The following SYCP2L variants were observed in gnomAD, a reference collection of about 807,000 sequenced individuals.
SYCP2L encodes the protein synaptonemal complex protein 2-like.
SYCP2L carries 98 observed loss-of-function variants against 125.8 expected under a neutral mutation model. The observed-to-expected ratio is 0.78, with a 90% CI of 0.66 to 0.92. The LOEUF (loss-of-function observed/expected upper bound fraction) is 0.92, where lower values mean the gene tolerates loss of function less well. Among genes scored for constraint, SYCP2L ranks in the 40% least tolerant of loss-of-function variants. SYCP2L has a pLI of 0.00. For synonymous variants in SYCP2L, 317 were observed against 325.4 expected (o/e 0.97, Z 0.28); for missense variants, 842 against 936.4 (o/e 0.90, Z 1.32).
Position 10,930,516 on chromosome 6 carries a change from T to G in SYCP2L, c.1633+2T>G. ...CAAGAACCAGAAGTAATTTGAGAAG[T>G]AAGTCTGGCATGTCTTCTTTTGAAT... is the stretch of plus-strand genomic sequence containing the variant. On this transcript the variant is annotated splice_donor_variant, in intron 19 of 29. Transcript: ENST00000283141. LOFTEE classifies it high-confidence loss of function. 1 of 1,608,464 alleles carries G rather than the reference T, an allele frequency of 6.2e-7. No homozygotes were observed. The highest frequency in any genetic ancestry group is 8.5e-7 in the Non-Finnish European group (1 of 1,178,042).
chr6:10,941,533 C>G lies in SYCP2L; in HGVS notation c.1814-926C>G, dbSNP rs538189430. ...CAAAAGAAGACATTTATGCAGCCAA[C>G]AGACACATGAAAAAATGCTCACCAT... is the stretch of plus-strand genomic sequence containing the variant. On this transcript the variant is annotated intron_variant, in intron 21 of 29. Transcript: ENST00000283141. Among the ~76,000 whole-genome samples, 3 of 152,212 alleles carry G rather than the reference C, an allele frequency of 2.0e-5. No individual in the cohort carries two copies. In the East Asian group the frequency reaches 5.8e-4, roughly 30 times the overall value.
intron 14 of SYCP2L, among the ~76,000 whole-genome samples, chr6:10,917,341 A>G (rs1237725717): frequency 6.6e-6 from 1 of 152,134 alleles, no homozygotes. Flanking sequence ...TTAGGTGCAT[A>G]TATGTTTAGG....
chr6:10,931,825 C>T (rs554968103), intron 20 of SYCP2L, among the ~76,000 whole-genome samples: 3 of 152,068 alleles, frequency 2.0e-5, no homozygotes, highest in South Asian at 4.2e-4. Context: ...ATTAGCCAGG[C>T]GTGGTAGCAC....
intron 14 of SYCP2L, chr6:10,922,556 C>T (rs2113341880): frequency 6.6e-6 from 1 of 151,862 alleles, no homozygotes; most frequent in Non-Finnish European, 1.5e-5. Flanking sequence ...AGCTCCTCCT[C>T]CCGGGTTCAC....
intron 15 of SYCP2L, 67 bp downstream of exon 15, chr6:10,924,708 C>G: frequency 7.6e-7 from 1 of 1,323,002 alleles, no homozygotes; most frequent in Non-Finnish European, 9.8e-7. Flanking sequence ...ATTAAATGTC[C>G]TTGTTGGGTT....
Position 10,888,455 on chromosome 6 carries a change from TA to T in SYCP2L, c.9+1323del, listed in dbSNP as rs577288922. ...AGAGAATCTAACGATCTTTTCTGCC[TA>T]AACCATCCCACTTTCTGATTTTCCT... is the stretch of plus-strand genomic sequence containing the variant. On this transcript the variant is annotated intron_variant, in intron 1 of 29. Transcript: ENST00000283141. Among the ~76,000 whole-genome samples the T allele has an allele frequency of 5.9e-5, 9 of 152,252 alleles. No individual in the cohort carries two copies. The East Asian group carries it at 1.7e-3, about 29-fold the overall frequency.
chr6:10,948,838 A>G (rs1319829569), intron 23 of SYCP2L, among the ~76,000 whole-genome samples: 1 of 152,124 alleles, frequency 6.6e-6, no homozygotes, highest in Non-Finnish European at 1.5e-5. Context: ...TTGGGGGAAA[A>G]CGTTATTATT....
At chr6:10,942,356 T>A in intron 21 of SYCP2L, 103 bp from the exon 22 acceptor site, 1 of 748,434 alleles carries the variant, frequency 1.3e-6, no homozygotes, top group Middle Eastern at 2.9e-4. Flanking sequence ...TAGAACTGTG[T>A]TCCTTTTTTT....
intron 1 of SYCP2L, among the ~76,000 whole-genome samples, chr6:10,888,903 C>T (rs1262945970): frequency 1.3e-5 from 2 of 152,106 alleles, no homozygotes; most frequent in Non-Finnish European, 2.9e-5. Context: ...ACTCTGTCAC[C>T]CAGGCTGGAG....
intron 14 of SYCP2L, among the ~76,000 whole-genome samples, chr6:10,920,950 T>G (rs566187072): frequency 6.6e-5 from 10 of 152,218 alleles, no homozygotes; most frequent in African/African-American, 1.4e-4. Context: ...ACAGGTTTGT[T>G]ACATGTGCCA....
chr6:10,933,086 C>T (rs1021140186), intron 20 of SYCP2L, among the ~76,000 whole-genome samples: 1 of 152,188 alleles, frequency 6.6e-6, no homozygotes, highest in Non-Finnish European at 1.5e-5. Flanking sequence ...TTAAGCTGTG[C>T]CTCTGGCAAG....
intron 1 of SYCP2L, among the ~76,000 whole-genome samples, chr6:10,888,068 T>A (rs9467809): frequency 0.43 from 11,025 of 25,756 alleles, 567 homozygotes; most frequent in East Asian, 0.48. Context: ...GTTACCATCT[T>A]TTTTTTTTTT....
intron 8 of SYCP2L, among the ~76,000 whole-genome samples, chr6:10,903,513 GC>G (rs1780426054): frequency 1.3e-5 from 2 of 151,984 alleles, no homozygotes; most frequent in South Asian, 4.1e-4. Flanking sequence ...GCGCCACTGT[GC>G]TCCAGCCTGA....
chr6:10,900,909 T>G (rs1329111750), intron 6 of SYCP2L, among the ~76,000 whole-genome samples: 1 of 152,230 alleles, frequency 6.6e-6, no homozygotes, highest in Non-Finnish European at 1.5e-5. Flanking sequence ...ACAGTTGTCT[T>G]GTGCGAGCTT....
chr6:10,928,090 A>G (rs1330032171), intron 17 of SYCP2L, among the ~76,000 whole-genome samples: 1 of 152,038 alleles, frequency 6.6e-6, no homozygotes, highest in East Asian at 1.9e-4. Context: ...TTGTTCAAAC[A>G]CACATGCTCT....
intron 24 of SYCP2L, among the ~76,000 whole-genome samples, chr6:10,955,673 G>A (rs536741343): frequency 1.2e-4 from 18 of 152,296 alleles, no homozygotes; most frequent in South Asian, 4.1e-4. Flanking sequence ...AGACAGCCTG[G>A]ATTTGAATCC....
At chr6:10,911,271 T>TTC (rs200752414) in intron 12 of SYCP2L, among the ~76,000 whole-genome samples, 2,663 of 152,046 alleles carry the variant, frequency 0.018, 30 homozygotes, top group Non-Finnish European at 0.026. Flanking sequence ...CCACTGTCCT[T>TTC]TCTCTCTCTC....
intron 20 of SYCP2L, among the ~76,000 whole-genome samples, chr6:10,934,505 C>A (rs1397125372): frequency 1.3e-5 from 2 of 152,176 alleles, no homozygotes; most frequent in African/African-American, 4.8e-5. Context: ...ATGGCGAAAC[C>A]CCATCTCTAA....
Position 10,910,821 on chromosome 6 carries a change from C to A in SYCP2L, c.873-3C>A. ...ATTTTTTTAATTGTGAGGTATTTTG[C>A]AGGGTGTATTCATTTCCGTGTATTG... On this transcript the variant is annotated splice_region_variant and splice_polypyrimidine_tract_variant and intron_variant, in intron 11 of 29. Transcript: ENST00000283141. 2 of 1,613,734 alleles carry A rather than the reference C, an allele frequency of 1.2e-6. No individual in the cohort carries two copies. The highest frequency in any genetic ancestry group is 1.7e-6 in the Non-Finnish European group (2 of 1,179,838).
Sources: gnomAD v4.1 joint callset for allele counts (sites outside exome capture counted in the v4.1 genomes callset) on GRCh38, gnomAD v4.1.1 for gene constraint, MANE v1.5 for transcripts, NCBI Gene and HGNC (gene_info 2026-07-23, HGNC 2026-07-21) for gene names.